The following FGF12 variants were observed in gnomAD, a reference collection of about 807,000 sequenced individuals.
The protein encoded by FGF12 is fibroblast growth factor 12B.
A neutral mutation model predicts 23.6 loss-of-function variants in FGF12; 14 were observed. The observed-to-expected ratio is 0.59, with a 90% CI of 0.39 to 0.93. FGF12 has a LOEUF of 0.93. FGF12 is among the 40% of genes least tolerant of loss of function. The pLI is 0.00. For missense variants in FGF12, 175 were observed against 217.8 expected (o/e 0.80, Z 1.24); for synonymous variants, 62 against 77.3 (o/e 0.80, Z 1.04).
chr3:192,281,750 G>A (rs1407426057), intron 4 of FGF12, among the ~76,000 whole-genome samples: 1 of 152,010 alleles, frequency 6.6e-6, no homozygotes, highest in Non-Finnish European at 1.5e-5. Context: ...TGCATCCAGG[G>A]CTTACCTAAA....
At position 192,139,876 on chromosome 3, in the gene FGF12, C is replaced by T; in HGVS notation, c.*4133G>A. 6.6e-6 allele frequency: 1 copy of T among 151,934 alleles called. No individual in the cohort carries two copies. Among genetic ancestry groups the T allele is most frequent in the East Asian group, 1.9e-4 (1 of 5,204 alleles). 9.4% of individuals were successfully genotyped at this position (151,934 alleles called of 1,614,324 possible). ...CTAGCATCCTTTTCCTATTCTTTCA[C>T]CACAAATTCTCAATTTGATATGACT... On this transcript the variant is annotated 3_prime_UTR_variant, in exon 6 of 6. Coordinates refer to ENST00000445105, the MANE Select transcript of FGF12 (RefSeq NM_004113.6).
chr3:192,273,462 G>A (rs1278963443), intron 4 of FGF12, among the ~76,000 whole-genome samples: 1 of 152,148 alleles, frequency 6.6e-6, no homozygotes, highest in African/African-American at 2.4e-5. Context: ...CTCTAAGAGA[G>A]TCCTGCATGC....
intron 2 of FGF12, chr3:192,534,214 C>T (rs1725168149): frequency 6.6e-6 from 1 of 152,142 alleles, no homozygotes; most frequent in Non-Finnish European, 1.5e-5. Flanking sequence ...AGTATAGCTG[C>T]TAGCTTTCCA....
chr3:192,558,753 A>G (rs749818089), intron 2 of FGF12, among the ~76,000 whole-genome samples: 4 of 151,966 alleles, frequency 2.6e-5, no homozygotes, highest in Non-Finnish European at 5.9e-5. Flanking sequence ...AGACAGATAT[A>G]TAGATCAATG....
rs770781442 is a variant in FGF12, at chr3:192,714,513, A to ATTTTTTTTTTTTTTTTTTT, written c.13+12649_13+12667dup. Reference sequence around the variant, plus strand: ...CTTATTTATAGATCTTAAGGAAATAATTTTTTTTTTTTTTTTTTTTTTTGA... The same window carrying ATTTTTTTTTTTTTTTTTTT: ...CTTATTTATAGATCTTAAGGAAATAATTTTTTTTTTTTTTTTTTTTTTTTTTTTTTTTTTTTTTTTTTGA... On this transcript the variant is annotated intron_variant, in intron 2 of 5. Coordinates refer to ENST00000445105, the MANE Select transcript of FGF12 (RefSeq NM_004113.6). Among the ~76,000 whole-genome samples the ATTTTTTTTTTTTTTTTTTT allele has an allele frequency of 4.3e-4, 43 of 99,748 alleles. 1 individual carries two copies. The highest frequency in any genetic ancestry group is 1.3e-3 in the African/African-American group (30 of 23,676). 65.4% of individuals were successfully genotyped at this position (99,748 alleles called of 152,430 possible).
At chr3:192,441,488 G>A (rs556805125) in intron 2 of FGF12, among the ~76,000 whole-genome samples, 1 of 152,026 alleles carries the variant, frequency 6.6e-6, no homozygotes, top group African/African-American at 2.4e-5. Flanking sequence ...GATGTTGCAC[G>A]TTTTTTTCTG....
At chr3:192,600,502 A>C (rs986352137) in intron 2 of FGF12, among the ~76,000 whole-genome samples, 5 of 152,130 alleles carry the variant, frequency 3.3e-5, no homozygotes, top group Admixed American at 1.3e-4. Flanking sequence ...CAACAAAGTG[A>C]AAAGGCAACC....
At chr3:192,549,423 A>T (rs1170436692) in intron 2 of FGF12, among the ~76,000 whole-genome samples, 1 of 152,244 alleles carries the variant, frequency 6.6e-6, no homozygotes, top group African/African-American at 2.4e-5. Context: ...GACATTTATT[A>T]TTCATGACAG....
intron 2 of FGF12, among the ~76,000 whole-genome samples, chr3:192,708,762 C>T (rs1718571105): frequency 6.6e-6 from 1 of 152,006 alleles, no homozygotes; most frequent in South Asian, 2.1e-4. Flanking sequence ...GAGGATCAAG[C>T]AAAAGCTTTA....
chr3:192,262,573 A>G (rs1232859345), intron 4 of FGF12, among the ~76,000 whole-genome samples: 1 of 152,174 alleles, frequency 6.6e-6, no homozygotes, highest in African/African-American at 2.4e-5. Flanking sequence ...ATACACAAAT[A>G]TCACTACGTT....
At position 192,695,660 on chromosome 3, in the gene FGF12, A is replaced by G. The variant is rs566082387; in HGVS notation, c.13+31521T>C. On this transcript the variant is annotated intron_variant, in intron 2 of 5. Coordinates refer to ENST00000445105, the MANE Select transcript of FGF12 (RefSeq NM_004113.6). ...AATTCTAGTTCAGGATTTATCAATC[A>G]AATATTTAAAATTCTATTAGAATTT... Among the ~76,000 whole-genome samples, 7 of 152,330 alleles carry G rather than the reference A, an allele frequency of 4.6e-5. No homozygotes were observed. The East Asian group carries it at 1.2e-3, about 25-fold the overall frequency.
At chr3:192,484,126 C>T (rs1723560736) in intron 2 of FGF12, among the ~76,000 whole-genome samples, 1 of 151,908 alleles carries the variant, frequency 6.6e-6, no homozygotes, top group Admixed American at 6.6e-5. Context: ...GATGAAATAG[C>T]AAACTCTATT....
chr3:192,438,855 A>C (rs1722106931), intron 2 of FGF12, among the ~76,000 whole-genome samples: 1 of 152,210 alleles, frequency 6.6e-6, no homozygotes, highest in East Asian at 1.9e-4. Context: ...CCCCGGTTTC[A>C]AAAGAACTGA....
At chr3:192,658,985 G>A (rs114882010) in intron 2 of FGF12, among the ~76,000 whole-genome samples, 406 of 152,268 alleles carry the variant, frequency 2.7e-3, no homozygotes, top group African/African-American at 8.7e-3. Flanking sequence ...TTAGTGGTCC[G>A]GCCAGGACGC....
At chr3:192,708,926 A>G (rs1422335596) in intron 2 of FGF12, among the ~76,000 whole-genome samples, 2 of 152,212 alleles carry the variant, frequency 1.3e-5, no homozygotes, top group African/African-American at 2.4e-5. Flanking sequence ...ACAATTGAAC[A>G]ATATATTTTT....
intron 4 of FGF12, among the ~76,000 whole-genome samples, chr3:192,293,798 C>T (rs1714888080): frequency 6.6e-6 from 1 of 152,074 alleles, no homozygotes; most frequent in South Asian, 2.1e-4. Flanking sequence ...TAGTTGTAGC[C>T]AATGGCTTAT....
chr3:192,400,693 G>C (rs1031534576), intron 2 of FGF12, among the ~76,000 whole-genome samples: 2 of 152,084 alleles, frequency 1.3e-5, no homozygotes, highest in African/African-American at 4.8e-5. Flanking sequence ...ATAGTGTTTT[G>C]TAGTTGGGTA....
chr3:192,257,103 A>G (rs1249551996), intron 4 of FGF12, among the ~76,000 whole-genome samples: 3 of 152,134 alleles, frequency 2.0e-5, no homozygotes, highest in Non-Finnish European at 4.4e-5. Flanking sequence ...ATATAACGTG[A>G]CTTGGTTATT....
At position 192,167,764 on chromosome 3, in the gene FGF12, T is replaced by TA. The variant is rs1354109764; in HGVS notation, c.427+2693dup. Among the ~76,000 whole-genome samples, 37 of 32,396 alleles carry TA rather than the reference T, an allele frequency of 1.1e-3. 5 individuals are homozygous for TA. The highest frequency in any genetic ancestry group is 3.6e-3 in the East Asian group (4 of 1,118). 21.3% of individuals were successfully genotyped at this position (32,396 alleles called of 152,430 possible). ...ATATATATATATATATATATATATA[T>TA]ATATAAAATTTTTTTTTTTTTTTTT... On this transcript the variant is annotated intron_variant, in intron 5 of 5. Coordinates refer to ENST00000445105, the MANE Select transcript of FGF12 (RefSeq NM_004113.6).
Sources: allele counts gnomAD v4.1 joint callset (sites outside exome capture counted in the v4.1 genomes callset), GRCh38; gene constraint gnomAD v4.1.1; transcripts MANE v1.5; gene names NCBI Gene and HGNC (gene_info 2026-07-23, HGNC 2026-07-21).